The following MAPKAPK5 variants were observed in gnomAD, a reference collection of about 807,000 sequenced individuals.
MAPKAPK5 encodes MAPK activated protein kinase 5.
In MAPKAPK5, 30 loss-of-function variants were observed where a neutral mutation model predicts 65.1. The observed-to-expected ratio is 0.46, with a 90% CI of 0.34 to 0.63. The LOEUF is 0.63. MAPKAPK5 is among the 20% of genes least tolerant of loss of function. The probability of loss-of-function intolerance (pLI) is 0.01; values close to 1 mark genes in which losing one functional copy is unlikely to be tolerated. For missense variants in MAPKAPK5, 433 were observed against 581.4 expected, an observed-to-expected ratio of 0.74 and a Z score of 2.63; for synonymous variants, 179 against 204.6, an observed-to-expected ratio of 0.87 and a Z score of 1.07.
At position 111,886,897 on chromosome 12, in the gene MAPKAPK5, A is replaced by G. The variant is rs113793825; in HGVS notation, c.969+861A>G. Reference sequence around the variant, plus strand: ...GAGGTGGCTGTGGGAGCAGAGAAGTAGAGGTGAATGAACAGGCTAAATATT... The same window carrying G: ...GAGGTGGCTGTGGGAGCAGAGAAGTGGAGGTGAATGAACAGGCTAAATATT... On this transcript the variant is annotated intron_variant, in intron 10 of 13. Transcript: ENST00000550735. 4.5e-3 allele frequency among the ~76,000 whole-genome samples: 690 copies of G among 152,338 alleles called. 5 individuals carry two copies. The highest frequency in any genetic ancestry group is 7.8e-3 in the Non-Finnish European group (533 of 68,030).
chr12:111,867,122 G>A (rs549873092), intron 3 of MAPKAPK5, among the ~76,000 whole-genome samples: 1 of 151,802 alleles, frequency 6.6e-6, no homozygotes, highest in Non-Finnish European at 1.5e-5. Context: ...TTGTAGACAT[G>A]GGGTTTTGCA....
chr12:111,871,307 C>A, intron 7 of MAPKAPK5, 127 bp downstream of exon 7: 1 of 703,020 alleles, frequency 1.4e-6, no homozygotes, highest in Non-Finnish European at 2.4e-6. Flanking sequence ...CTTTAGAAAC[C>A]TACAGATTGC....
rs1230635951 is a variant in MAPKAPK5 at position 111,893,420 on chromosome 12, C to T, written c.*359C>T. The T allele has an allele frequency of 6.5e-6, 1 of 154,060 alleles. No individual in the cohort carries two copies. Among genetic ancestry groups the T allele is most frequent in the African/African-American group, 2.4e-5 (1 of 41,464 alleles). 9.5% of individuals were successfully genotyped at this position (154,060 alleles called of 1,614,324 possible). A position where few individuals can be genotyped will look rare whatever the true frequency, so the allele number is the denominator to read the frequency against. The stretch of plus-strand genomic sequence containing the variant: ...TTAGTAAACAGTTGAATCAAGGACT[C>T]TGGATTCTGGTTTCAATTGCCCTGT... On this transcript the variant is annotated 3_prime_UTR_variant, in exon 14 of 14. Transcript: ENST00000550735.
intron 3 of MAPKAPK5, among the ~76,000 whole-genome samples, chr12:111,866,582 C>G (rs1444577604): frequency 6.6e-6 from 1 of 152,164 alleles, no homozygotes. Flanking sequence ...AAAAGTGATG[C>G]TACAGGAGGA....
chr12:111,884,428 C>T (rs1255496015), intron 9 of MAPKAPK5, among the ~76,000 whole-genome samples: 2 of 152,204 alleles, frequency 1.3e-5, no homozygotes, highest in Non-Finnish European at 2.9e-5. Context: ...CCAGGCTGGT[C>T]TCAAACTACT....
chr12:111,875,619 T>C (rs2069937717), intron 7 of MAPKAPK5, among the ~76,000 whole-genome samples: 2 of 151,942 alleles, frequency 1.3e-5, no homozygotes, highest in Non-Finnish European at 2.9e-5. Context: ...TGTTCTTGAG[T>C]CTCATGAATA....
chr12:111,847,491 A>G (rs946138267), intron 1 of MAPKAPK5, among the ~76,000 whole-genome samples: 2 of 152,060 alleles, frequency 1.3e-5, no homozygotes, highest in African/African-American at 4.8e-5. Flanking sequence ...AAATCTGGAG[A>G]GTGGGCATTT....
intron 1 of MAPKAPK5, among the ~76,000 whole-genome samples, chr12:111,844,585 A>G (rs2068846571): frequency 6.6e-6 from 1 of 152,198 alleles, no homozygotes; most frequent in African/African-American, 2.4e-5. Context: ...GTTTTTAAAC[A>G]TTGTCTCCTG....
At chr12:111,864,866 T>G (rs908146845) in intron 1 of MAPKAPK5, among the ~76,000 whole-genome samples, 3 of 152,198 alleles carry the variant, frequency 2.0e-5, no homozygotes, top group African/African-American at 7.2e-5. Context: ...TATATCTGAC[T>G]AGTCTTTCTA....
intron 1 of MAPKAPK5, among the ~76,000 whole-genome samples, chr12:111,861,105 C>T (rs988897472): frequency 1.3e-5 from 2 of 150,612 alleles, no homozygotes; most frequent in South Asian, 2.1e-4. Flanking sequence ...TGGCGTGAGC[C>T]GAGATCGCGC....
At position 111,899,782 on chromosome 12, in the gene MAPKAPK5, T is replaced by C. The variant is rs1001273482; in HGVS notation, c.*6721T>C. ...GGTCTCAGGGGCACATCCTCCTGAT[T>C]AAGGAGGAAAAATCTTACAGCATTG... On this transcript the variant is annotated 3_prime_UTR_variant, in exon 14 of 14. Coordinates refer to ENST00000550735, the MANE Select transcript of MAPKAPK5 (RefSeq NM_003668.4). The C allele has an allele frequency of 5.2e-6, 2 of 381,562 alleles. No homozygotes were observed. The highest frequency in any genetic ancestry group is 1.1e-5 in the Non-Finnish European group (2 of 186,920). 23.6% of individuals were successfully genotyped at this position (381,562 alleles called of 1,614,324 possible). A position where few individuals can be genotyped will look rare whatever the true frequency, so the allele number is the denominator to read the frequency against.
intron 4 of MAPKAPK5, 141 bp downstream of exon 4, chr12:111,867,810 C>T (rs1211152928): frequency 3.0e-6 from 2 of 660,772 alleles, no homozygotes; most frequent in East Asian, 5.1e-5. Flanking sequence ...TTCTCCCCCT[C>T]CATCTCCCTT....
intron 1 of MAPKAPK5, among the ~76,000 whole-genome samples, chr12:111,864,113 A>G (rs992239810): frequency 2.0e-5 from 3 of 151,940 alleles, no homozygotes; most frequent in African/African-American, 4.8e-5. Flanking sequence ...TAAAAAAAGA[A>G]AAAAGAAAAA....
intron 8 of MAPKAPK5, among the ~76,000 whole-genome samples, 179 bp downstream of exon 8, chr12:111,880,706 T>C (rs1315765927): frequency 6.6e-6 from 1 of 152,156 alleles, no homozygotes; most frequent in African/African-American, 2.4e-5. Context: ...TGATGAAATA[T>C]CAGATAAGGT....
chr12:111,871,136 G>A lies in MAPKAPK5; in HGVS notation c.535G>A (p.Asp179Asn). The change falls in exon 7 of 14, where the codon GAC becomes AAC. Residue 179 changes from aspartate to asparagine, a missense_variant. By Grantham distance (23) the Asp-to-Asn change is conservative. Transcript: ENST00000550735. Reference sequence around the variant, plus strand: ...TGGATTTGCCAAGATTGACCAAGGTGACTTGATGACACCCCAGTTCACCCC... The same window carrying A: ...TGGATTTGCCAAGATTGACCAAGGTAACTTGATGACACCCCAGTTCACCCC... The part of the protein sequence containing the change: ...DFGFAKIDQG[D>N]LMTPQFTPYY... The A allele has an allele frequency of 6.2e-7, 1 of 1,613,706 alleles. No individual in the cohort carries two copies. The highest frequency in any genetic ancestry group is 8.5e-7 in the Non-Finnish European group (1 of 1,179,856).
Position 111,866,251 on chromosome 12 carries a change from CTTAA to C in MAPKAPK5, c.186+25_186+28del. ...AATGAGGTATGCTTTATTGCCTCGA[CTTAA>C]TTAAATAGTTGAAGTGCCTAAGAAT... On this transcript the variant is annotated intron_variant, in intron 3 of 13. Transcript: ENST00000550735. The C allele has an allele frequency of 6.3e-7, 1 of 1,596,176 alleles. No homozygotes were observed.
chr12:111,842,956 G>T (rs543816148), intron 1 of MAPKAPK5, 187 bp downstream of exon 1: 1 of 451,586 alleles, frequency 2.2e-6, no homozygotes, highest in African/African-American at 2.0e-5. Context: ...GTGTAGGTGT[G>T]TGTCCGACTC....
At chr12:111,872,722 G>A (rs1566253874) in intron 7 of MAPKAPK5, among the ~76,000 whole-genome samples, 1 of 152,030 alleles carries the variant, frequency 6.6e-6, no homozygotes, top group Non-Finnish European at 1.5e-5. Flanking sequence ...ACATTATTTG[G>A]CTTGTAGCCT....
At chr12:111,863,109 T>C (rs905233445) in intron 1 of MAPKAPK5, among the ~76,000 whole-genome samples, 2 of 152,028 alleles carry the variant, frequency 1.3e-5, no homozygotes, top group Admixed American at 6.6e-5. Context: ...CCTTAATAGA[T>C]GGAAAGGTGC....
Sources: allele counts gnomAD v4.1 joint callset (sites outside exome capture counted in the v4.1 genomes callset), GRCh38; gene constraint gnomAD v4.1.1; transcripts MANE v1.5; gene names NCBI Gene and HGNC (gene_info 2026-07-23, HGNC 2026-07-21).